LINGO2: variants seen among roughly 807,000 people sequenced by gnomAD.
LINGO2 encodes the protein leucine rich repeat and Ig domain containing 2, also known as leucine-rich repeat and immunoglobulin-like domain-containing nogo receptor-interacting protein 2.
Under a neutral mutation model 30.6 loss-of-function variants are expected in LINGO2, and 14 were observed. That is an observed-to-expected ratio of 0.46 (90% CI 0.30 to 0.72). LINGO2 has a LOEUF of 0.72. Ranked by LOEUF, LINGO2 falls within the 30% of genes least tolerant of loss-of-function variation. The pLI, the probability that LINGO2 is intolerant of heterozygous loss-of-function variation, is 0.07. For missense variants in LINGO2, 729 were observed against 751.7 expected, an observed-to-expected ratio of 0.97 and a Z score of 0.35; for synonymous variants, 317 against 288.5, an observed-to-expected ratio of 1.10 and a Z score of -1.00.
intron 1 of LINGO2, among the ~76,000 whole-genome samples, chr9:28,596,363 C>A (rs546181740): frequency 6.6e-6 from 1 of 152,012 alleles, no homozygotes; most frequent in Admixed American, 6.6e-5. Context: ...AAAGTTGTTT[C>A]TTTTTTTATA....
intron 4 of LINGO2, among the ~76,000 whole-genome samples, chr9:28,180,128 A>C (rs1363292862): frequency 6.6e-6 from 1 of 152,140 alleles, no homozygotes; most frequent in Non-Finnish European, 1.5e-5. Flanking sequence ...GGATTAGGGA[A>C]ATAAAACCAG....
rs566762552 is a variant in LINGO2, at chr9:28,263,577, T to C, written c.-87+31631A>G. ...TAATTATTGGGTTTATCCCCAAATATGAGATAGGTTAAAATCTCATTTATT... is the reference window on the plus strand; with the variant it reads ...TAATTATTGGGTTTATCCCCAAATACGAGATAGGTTAAAATCTCATTTATT... On this transcript the variant is annotated intron_variant, in intron 4 of 5. Transcript: ENST00000379992. Among the ~76,000 whole-genome samples the C allele has an allele frequency of 2.6e-5, 4 of 152,122 alleles. No individual in the cohort carries two copies. In the South Asian group the frequency reaches 8.3e-4, roughly 31 times the overall value.
intron 4 of LINGO2, among the ~76,000 whole-genome samples, chr9:28,167,315 T>A (rs1335771938): frequency 2.8e-3 from 1 of 356 alleles, no homozygotes; most frequent in Non-Finnish European, 6.7e-3. Context: ...TACGTGATCC[T>A]CCTTGGGCTT....
chr9:28,180,245 C>T (rs1462567613), intron 4 of LINGO2, among the ~76,000 whole-genome samples: 1 of 152,118 alleles, frequency 6.6e-6, no homozygotes, highest in Non-Finnish European at 1.5e-5. Flanking sequence ...AACTTCTTTT[C>T]CATGGCTATG....
the LINGO2 span, among the ~76,000 whole-genome samples, chr9:29,045,877 C>T: frequency 4.6e-5 from 7 of 152,018 alleles, no homozygotes; most frequent in East Asian, 1.4e-3. Flanking sequence ...TGGCTATATT[C>T]TTAGGTATGT....
intron 3 of LINGO2, among the ~76,000 whole-genome samples, chr9:28,354,969 G>T (rs16912722): frequency 0.015 from 2,269 of 152,232 alleles, 51 homozygotes; most frequent in African/African-American, 0.052. Context: ...AGCCTTTTCA[G>T]TGCAGCAGCT....
the LINGO2 span, among the ~76,000 whole-genome samples, chr9:28,802,374 CTT>C: frequency 6.6e-6 from 1 of 151,966 alleles, no homozygotes; most frequent in Admixed American, 6.6e-5. Flanking sequence ...GAAGAAAAAT[CTT>C]TAATCTGTAA....
chr9:28,952,642 T>C, the LINGO2 span, among the ~76,000 whole-genome samples: 1 of 152,092 alleles, frequency 6.6e-6, no homozygotes, highest in South Asian at 2.1e-4. Flanking sequence ...AAAACCACAC[T>C]GGCCTTTTCG....
intron 4 of LINGO2, among the ~76,000 whole-genome samples, chr9:28,191,827 C>A (rs997997954): frequency 6.6e-6 from 1 of 152,096 alleles, no homozygotes; most frequent in Admixed American, 6.6e-5. Context: ...ACCTGGTTTT[C>A]TTCTGATTCA....
At chr9:28,726,147 T>C in the LINGO2 span, among the ~76,000 whole-genome samples, 1 of 152,166 alleles carries the variant, frequency 6.6e-6, no homozygotes. Flanking sequence ...ATCAGTCAAA[T>C]GGTGTGTTAT....
intron 4 of LINGO2, among the ~76,000 whole-genome samples, chr9:28,094,015 G>A (rs1289006472): frequency 6.6e-6 from 1 of 152,038 alleles, no homozygotes; most frequent in Non-Finnish European, 1.5e-5. Context: ...GCTAGTAGAG[G>A]ACCTGGCACA....
At chr9:28,378,106 C>T (rs1490315860) in intron 2 of LINGO2, among the ~76,000 whole-genome samples, 5 of 152,130 alleles carry the variant, frequency 3.3e-5, no homozygotes, top group Admixed American at 6.6e-5. Flanking sequence ...GTTATGCCAC[C>T]ACTACACTGC....
intron 1 of LINGO2, among the ~76,000 whole-genome samples, chr9:28,649,728 A>G (rs1828003303): frequency 6.6e-6 from 1 of 152,108 alleles, no homozygotes; most frequent in Non-Finnish European, 1.5e-5. Flanking sequence ...TAAACTAATC[A>G]CTGGGTTGGG....
chr9:28,786,136 C>G, the LINGO2 span, among the ~76,000 whole-genome samples: 1 of 152,138 alleles, frequency 6.6e-6, no homozygotes, highest in Non-Finnish European at 1.5e-5. Flanking sequence ...TACTCAATGG[C>G]AATCCATTTT....
the LINGO2 span, among the ~76,000 whole-genome samples, chr9:28,861,225 T>A: frequency 6.5e-4 from 74 of 113,810 alleles, no homozygotes; most frequent in African/African-American, 2.4e-3. Context: ...TAATATTATA[T>A]AAATATATAA....
intron 4 of LINGO2, among the ~76,000 whole-genome samples, chr9:28,019,273 T>TA (rs61388318): frequency 7.2e-4 from 105 of 145,604 alleles, no homozygotes; most frequent in East Asian, 1.0e-3. Flanking sequence ...ACCTAAAACT[T>TA]AAAAAAAAAA....
At chr9:28,046,979 C>G (rs1824450713) in intron 4 of LINGO2, among the ~76,000 whole-genome samples, 1 of 152,088 alleles carries the variant, frequency 6.6e-6, no homozygotes, top group African/African-American at 2.4e-5. Flanking sequence ...AGAAAGCATC[C>G]TGGCTGCAAG....
intron 3 of LINGO2, among the ~76,000 whole-genome samples, chr9:28,304,137 C>A (rs542797245): frequency 6.6e-6 from 1 of 151,772 alleles, no homozygotes; most frequent in South Asian, 2.1e-4. Flanking sequence ...CTGATGAATT[C>A]TTTTTCTGCT....
rs1324953304 is a variant in LINGO2, at chr9:28,148,823, G to A, written c.-86-136418C>T. ...GTGGCCAGAGAAGGCGGCCTTGAAG[G>A]TGCTGGGTAAAGACCACCTGCCCAG... On this transcript the variant is annotated intron_variant, in intron 4 of 5. Coordinates refer to ENST00000379992, the Ensembl canonical transcript of LINGO2. This position sits in a 1 kb window ranked among gnomAD's most constrained non-coding sequence, Gnocchi z 5.1. The A allele has an allele frequency of 2.0e-6, 3 of 1,533,704 alleles. No homozygotes were observed. The highest frequency in any genetic ancestry group is 2.4e-5 in the East Asian group (1 of 40,904).
Sources: allele counts gnomAD v4.1 joint callset (sites outside exome capture counted in the v4.1 genomes callset), GRCh38; gene constraint gnomAD v4.1.1; non-coding constraint Gnocchi (gnomAD v3.1); transcripts MANE v1.5; gene names NCBI Gene and HGNC (gene_info 2026-07-23, HGNC 2026-07-21).